Variants in NALF1 observed in about 807,000 individuals in gnomAD.
The protein encoded by NALF1 is family with sequence similarity 155 member A.
A neutral mutation model predicts 48.4 loss-of-function variants in NALF1; 3 were observed. The ratio of observed to expected loss-of-function variants is 0.06; its 90% CI spans 0.03 to 0.16. The LOEUF (loss-of-function observed/expected upper bound fraction) is 0.16, where lower values mean the gene tolerates loss of function less well. Among genes scored for constraint, NALF1 ranks in the 10% least tolerant of loss-of-function variants. The pLI, the probability that NALF1 is intolerant of heterozygous loss-of-function variation, is 1.00. For synonymous variants in NALF1, 262 were observed against 245.7 expected, an observed-to-expected ratio of 1.07 and a Z score of -0.62; for missense variants, 526 against 571.5, an observed-to-expected ratio of 0.92 and a Z score of 0.81.
intron 2 of NALF1, among the ~76,000 whole-genome samples, chr13:107,186,763 G>A (rs1217451184): frequency 6.6e-6 from 1 of 152,168 alleles, no homozygotes; most frequent in Non-Finnish European, 1.5e-5. Context: ...AATTGTTACA[G>A]ACATAGTAGC....
intron 1 of NALF1, among the ~76,000 whole-genome samples, chr13:107,742,065 C>A (rs1876653421): frequency 6.6e-6 from 1 of 152,178 alleles, no homozygotes; most frequent in Non-Finnish European, 1.5e-5. Flanking sequence ...AGTAATGGTG[C>A]ACCATGTTCT....
At chr13:107,653,340 T>G (rs904707552) in intron 1 of NALF1, among the ~76,000 whole-genome samples, 1 of 152,100 alleles carries the variant, frequency 6.6e-6, no homozygotes, top group Non-Finnish European at 1.5e-5. Context: ...CCAAATTCAC[T>G]GAAAGTTTCC....
intron 1 of NALF1, among the ~76,000 whole-genome samples, chr13:107,644,979 G>T (rs1880276635): frequency 2.0e-5 from 3 of 151,980 alleles, no homozygotes; most frequent in African/African-American, 7.3e-5. Context: ...GTATTAAGAG[G>T]TCATCCAATT....
At position 107,269,185 on chromosome 13, in the gene NALF1, TA is replaced by T. The variant is rs1881104705; in HGVS notation, c.916-58431del. Among the ~76,000 whole-genome samples the T allele has an allele frequency of 2.0e-5, 3 of 151,572 alleles. No individual in the cohort carries two copies. In the South Asian group the frequency reaches 6.3e-4, roughly 32 times the overall value. ...TATGTTTAAAAAAAAAAAAAGAATT[TA>T]AAAAAATAGAAATTGAGAAATTGTG... On this transcript the variant is annotated intron_variant, in intron 1 of 2. Coordinates refer to ENST00000375915, the MANE Select transcript of NALF1 (RefSeq NM_001080396.3).
At chr13:107,670,514 G>A (rs1247580912) in intron 1 of NALF1, among the ~76,000 whole-genome samples, 1 of 152,090 alleles carries the variant, frequency 6.6e-6, no homozygotes, top group African/African-American at 2.4e-5. Flanking sequence ...GTATGTAAAT[G>A]TCCAACATCT....
chr13:107,273,664 C>T (rs897001120), intron 1 of NALF1, among the ~76,000 whole-genome samples: 4 of 152,156 alleles, frequency 2.6e-5, no homozygotes, highest in African/African-American at 9.7e-5. Flanking sequence ...TTCTATAGCA[C>T]ATATATCAGG....
At chr13:107,574,831 G>C (rs948555726) in intron 1 of NALF1, among the ~76,000 whole-genome samples, 1 of 152,090 alleles carries the variant, frequency 6.6e-6, no homozygotes, top group Non-Finnish European at 1.5e-5. Flanking sequence ...ATTACAAATG[G>C]AAACTTGACT....
intron 1 of NALF1, among the ~76,000 whole-genome samples, chr13:107,757,122 T>C (rs949478890): frequency 1.3e-5 from 2 of 152,188 alleles, no homozygotes; most frequent in Non-Finnish European, 1.5e-5. Context: ...AAATAGCCCA[T>C]GCCTTTAAAC....
intron 1 of NALF1, among the ~76,000 whole-genome samples, chr13:107,786,702 A>G (rs1188821186): frequency 6.6e-6 from 1 of 152,150 alleles, no homozygotes; most frequent in Non-Finnish European, 1.5e-5. Flanking sequence ...ACTGCACTCC[A>G]GCCTGGGCAA....
chr13:107,850,194 T>C (rs536733136), intron 1 of NALF1, among the ~76,000 whole-genome samples: 12 of 152,332 alleles, frequency 7.9e-5, no homozygotes, highest in Admixed American at 5.2e-4. Context: ...TAAGTGCTAA[T>C]TGTTCACTAC....
intron 1 of NALF1, among the ~76,000 whole-genome samples, chr13:107,230,829 G>A (rs1463293507): frequency 6.6e-6 from 1 of 152,120 alleles, no homozygotes; most frequent in Admixed American, 6.5e-5. Context: ...GGAGGCCAAG[G>A]TGGGAGGGTC....
At chr13:107,273,766 A>G (rs1881222503) in intron 1 of NALF1, among the ~76,000 whole-genome samples, 1 of 152,162 alleles carries the variant, frequency 6.6e-6, no homozygotes, top group Non-Finnish European at 1.5e-5. Flanking sequence ...GCTGGTATCC[A>G]TAGAACAGAA....
intron 1 of NALF1, among the ~76,000 whole-genome samples, chr13:107,227,117 C>G (rs1880122928): frequency 6.6e-6 from 1 of 152,216 alleles, no homozygotes; most frequent in Non-Finnish European, 1.5e-5. Flanking sequence ...AATTCTTCTG[C>G]AATCCTTAGC....
At chr13:107,585,336 C>T (rs1878424391) in intron 1 of NALF1, among the ~76,000 whole-genome samples, 1 of 150,618 alleles carries the variant, frequency 6.6e-6, no homozygotes, top group South Asian at 2.1e-4. Flanking sequence ...AAAAAAAATA[C>T]TCGGTAAACC....
intron 1 of NALF1, among the ~76,000 whole-genome samples, chr13:107,255,286 C>G (rs922106108): frequency 6.6e-6 from 1 of 152,204 alleles, no homozygotes; most frequent in Non-Finnish European, 1.5e-5. Context: ...TTTTGTCTTC[C>G]TTCATTTTCC....
intron 1 of NALF1, among the ~76,000 whole-genome samples, chr13:107,312,271 A>T (rs1882061315): frequency 1.3e-5 from 2 of 152,206 alleles, no homozygotes; most frequent in South Asian, 4.1e-4. Context: ...TGTCCTTTGT[A>T]GGGACATGGA....
chr13:107,503,024 A>C (rs1875570199), intron 1 of NALF1, among the ~76,000 whole-genome samples: 1 of 152,170 alleles, frequency 6.6e-6, no homozygotes. Context: ...CCACAGGCTC[A>C]ATTCTACCAG....
chr13:107,292,883 C>A (rs1387876263), intron 1 of NALF1, among the ~76,000 whole-genome samples: 4 of 152,152 alleles, frequency 2.6e-5, no homozygotes, highest in Non-Finnish European at 5.9e-5. Context: ...GTTTGTTTAC[C>A]CCAGCATCAC....
chr13:107,204,436 G>A (rs1351371068), intron 2 of NALF1, among the ~76,000 whole-genome samples: 1 of 152,012 alleles, frequency 6.6e-6, no homozygotes, highest in Non-Finnish European at 1.5e-5. Flanking sequence ...CCTTACAGTG[G>A]GGGCGATTTT....
Sources: allele counts gnomAD v4.1 joint callset (sites outside exome capture counted in the v4.1 genomes callset), GRCh38; gene constraint gnomAD v4.1.1; transcripts MANE v1.5; gene names NCBI Gene and HGNC (gene_info 2026-07-23, HGNC 2026-07-21).